Variants in KSR1 observed in about 807,000 individuals in gnomAD.
KSR1 encodes kinase suppressor of ras.
A neutral mutation model predicts 92.9 loss-of-function variants in KSR1; 35 were observed. The ratio of observed to expected loss-of-function variants is 0.38; its 90% CI spans 0.29 to 0.50. The LOEUF is 0.50. KSR1 is among the 20% of genes least tolerant of loss of function. KSR1 has a pLI of 0.94. For synonymous variants in KSR1, 467 were observed against 472.6 expected (o/e 0.99, Z 0.15); for missense variants, 972 against 1,158.5 (o/e 0.84, Z 2.34).
At chr17:27,611,435 C>A (rs541498380) in intron 17 of KSR1, 59 bp from the exon 18 acceptor site, 22 of 1,609,790 alleles carry the variant, frequency 1.4e-5, no homozygotes, top group Non-Finnish European at 1.8e-5. Flanking sequence ...TCAAGGGCCC[C>A]TGGGCTTGAG....
intron 19 of KSR1, among the ~76,000 whole-genome samples, chr17:27,619,020 C>A (rs11870925): frequency 0.17 from 25,559 of 152,018 alleles, 2,273 homozygotes; most frequent in Admixed American, 0.25. Flanking sequence ...AGGAAAAGGA[C>A]ACTTTCTAAA....
At position 27,524,030 on chromosome 17, in the gene KSR1, G is replaced by C. The variant is rs138810053; in HGVS notation, c.232-26538G>C. Among the ~76,000 whole-genome samples the C allele has an allele frequency of 7.2e-5, 11 of 152,284 alleles. No individual in the cohort carries two copies. The East Asian group carries it at 2.1e-3, about 29-fold the overall frequency. On this transcript the variant is annotated intron_variant, in intron 1 of 20. Transcript: ENST00000644974. ...GATGAAAGATGAGATAGTGAGTTTGGGTACCTCTGGCCCATGCAGGCTGGC... is the reference window on the plus strand; with the variant it reads ...GATGAAAGATGAGATAGTGAGTTTGCGTACCTCTGGCCCATGCAGGCTGGC...
At chr17:27,549,518 G>C in intron 1 of KSR1, among the ~76,000 whole-genome samples, 1 of 152,340 alleles carries the variant, frequency 6.6e-6, no homozygotes, top group Middle Eastern at 3.4e-3. Flanking sequence ...AGTGTTTGTC[G>C]GGTTTACCCA....
intron 1 of KSR1, among the ~76,000 whole-genome samples, chr17:27,518,582 G>A (rs947240865): frequency 6.6e-6 from 1 of 152,186 alleles, no homozygotes; most frequent in African/African-American, 2.4e-5. Flanking sequence ...GGAGCTCAGA[G>A]CCTGACCTTG....
chr17:27,493,136 CCA>C (rs1350344258), intron 1 of KSR1, among the ~76,000 whole-genome samples: 1 of 152,100 alleles, frequency 6.6e-6, no homozygotes, highest in African/African-American at 2.4e-5. Context: ...CATGATAACC[CCA>C]GTCTCCTTTA....
chr17:27,497,198 G>A (rs2069018510), intron 1 of KSR1, among the ~76,000 whole-genome samples: 1 of 152,184 alleles, frequency 6.6e-6, no homozygotes, highest in African/African-American at 2.4e-5. Flanking sequence ...TATGTTATCG[G>A]TAACCCATTT....
At chr17:27,563,981 CTTT>C (rs200904358) in intron 2 of KSR1, among the ~76,000 whole-genome samples, 19 of 46,890 alleles carry the variant, frequency 4.1e-4, no homozygotes, top group African/African-American at 5.6e-4. Flanking sequence ...TATTCGGTAG[CTTT>C]TTTTTTTTTT....
At position 27,603,828 on chromosome 17, in the gene KSR1, C is replaced by T; in HGVS notation, c.1511-6C>T. On this transcript the variant is annotated splice_region_variant and splice_polypyrimidine_tract_variant and intron_variant, in intron 11 of 20. Coordinates refer to ENST00000644974, the MANE Select transcript of KSR1 (RefSeq NM_001394583.1). Reference sequence around the variant, plus strand: ...ATGCTTTGTGTTTGGTTTTTGTTTCCTCCAGACATTTCAGCCTTTGCACAC... The same window carrying T: ...ATGCTTTGTGTTTGGTTTTTGTTTCTTCCAGACATTTCAGCCTTTGCACAC... The T allele has an allele frequency of 6.2e-7, 1 of 1,613,986 alleles. No homozygotes were observed. The highest frequency in any genetic ancestry group is 2.2e-5 in the East Asian group (1 of 44,878).
chr17:27,564,610 C>T (rs1034595332), intron 2 of KSR1, among the ~76,000 whole-genome samples: 6 of 152,136 alleles, frequency 3.9e-5, no homozygotes, highest in Non-Finnish European at 7.3e-5. Flanking sequence ...TGTAGTCATG[C>T]TTGTCCATGA....
At chr17:27,571,463 CCTCTCTCT>C (rs144164463) in intron 2 of KSR1, among the ~76,000 whole-genome samples, 11 of 151,912 alleles carry the variant, frequency 7.2e-5, no homozygotes, top group Admixed American at 1.3e-4. Flanking sequence ...TCCACTTGCT[CCTCTCTCT>C]CTCTCTCCTT....
intron 2 of KSR1, among the ~76,000 whole-genome samples, chr17:27,564,616 C>T (rs1387509560): frequency 5.3e-5 from 8 of 152,144 alleles, no homozygotes; most frequent in African/African-American, 1.4e-4. Flanking sequence ...CATGCTTGTC[C>T]ATGAAGGGCT....
intron 9 of KSR1, among the ~76,000 whole-genome samples, chr17:27,593,368 G>A (rs564045366): frequency 1.0e-4 from 16 of 152,386 alleles, no homozygotes; most frequent in Admixed American, 8.5e-4. Flanking sequence ...CAGGCTTCTG[G>A]CTGCTGTGGT....
At chr17:27,568,628 T>A (rs2072180601) in intron 2 of KSR1, among the ~76,000 whole-genome samples, 1 of 152,190 alleles carries the variant, frequency 6.6e-6, no homozygotes, top group Admixed American at 6.5e-5. Context: ...TGTTTAGTTC[T>A]GTCAGTGCCT....
At chr17:27,531,149 A>G (rs958731741) in intron 1 of KSR1, among the ~76,000 whole-genome samples, 9 of 152,140 alleles carry the variant, frequency 5.9e-5, no homozygotes, top group African/African-American at 2.2e-4. Context: ...CCTTGGGGCC[A>G]GTGCCCTATT....
In KSR1 at chr17:27,625,938, C is replaced by G. The variant is rs1404649780; in HGVS notation, c.*2546C>G. 1 of 152,242 alleles carries G rather than the reference C, an allele frequency of 6.6e-6. No individual in the cohort carries two copies. Among genetic ancestry groups the G allele is most frequent in the Non-Finnish European group, 1.5e-5 (1 of 68,060 alleles). The allele number at this position is 152,242 out of a possible 1,614,324, so 9.4% of individuals were successfully genotyped here. A position where few individuals can be genotyped will look rare whatever the true frequency, so the allele number is the denominator to read the frequency against. ...CCTGGGTTTCTGTCTAACTCGAAGT[C>G]TTGAATCCTAGCTAGTTTGGGGTTG... On this transcript the variant is annotated 3_prime_UTR_variant, in exon 21 of 21. Coordinates refer to ENST00000644974, the MANE Select transcript of KSR1 (RefSeq NM_001394583.1).
chr17:27,512,123 A>G (rs1353688006), intron 1 of KSR1, among the ~76,000 whole-genome samples: 2 of 152,184 alleles, frequency 1.3e-5, no homozygotes, highest in African/African-American at 4.8e-5. Context: ...TGATGACCCC[A>G]GCAAAATTCC....
intron 2 of KSR1, among the ~76,000 whole-genome samples, chr17:27,563,831 C>T (rs1291263589): frequency 6.6e-6 from 1 of 152,192 alleles, no homozygotes; most frequent in African/African-American, 2.4e-5. Context: ...ACTTAGAGGT[C>T]AGCTCTTCAG....
chr17:27,609,519 G>A (rs542916941), intron 16 of KSR1, among the ~76,000 whole-genome samples, 190 bp downstream of exon 16: 2 of 152,316 alleles, frequency 1.3e-5, no homozygotes, highest in South Asian at 4.1e-4. Flanking sequence ...TTCTCAGGCC[G>A]ACTTCCACGG....
Position 27,624,402 on chromosome 17 carries a change from C to T in KSR1, c.*1010C>T, listed in dbSNP as rs1015973447. ...TTCCATTTCAGTCCTGCTGAAACCC[C>T]TTAGCCTATTTCCGACTCCTCTGTC... On this transcript the variant is annotated 3_prime_UTR_variant, in exon 21 of 21. Transcript: ENST00000644974. The T allele has an allele frequency of 2.6e-5, 4 of 152,360 alleles. No individual in the cohort carries two copies. Among genetic ancestry groups the T allele is most frequent in the Non-Finnish European group, 4.4e-5 (3 of 68,152 alleles). The allele number at this position is 152,360 out of a possible 1,614,324, so 9.4% of individuals were successfully genotyped here.
Sources: gnomAD v4.1 joint callset for allele counts (sites outside exome capture counted in the v4.1 genomes callset) on GRCh38, gnomAD v4.1.1 for gene constraint, MANE v1.5 for transcripts, NCBI Gene and HGNC (gene_info 2026-07-23, HGNC 2026-07-21) for gene names.